Variants in PEX5L observed in about 807,000 individuals in gnomAD.
PEX5L encodes PEX5-related protein.
PEX5L carries 30 observed loss-of-function variants against 84.0 expected under a neutral mutation model. The ratio of observed to expected loss-of-function variants is 0.36; its 90% CI spans 0.27 to 0.48. The LOEUF (loss-of-function observed/expected upper bound fraction) is 0.48. PEX5L is among the 20% of genes least tolerant of loss of function. PEX5L has a pLI of 0.99. For synonymous variants in PEX5L, 270 were observed against 283.1 expected, an observed-to-expected ratio of 0.95 and a Z score of 0.46; for missense variants, 533 against 754.6, an observed-to-expected ratio of 0.71 and a Z score of 3.44.
At chr3:179,854,834 TA>T (rs2108493866) in intron 8 of PEX5L, among the ~76,000 whole-genome samples, 1 of 152,276 alleles carries the variant, frequency 6.6e-6, no homozygotes, top group South Asian at 2.1e-4. Flanking sequence ...GCTACATTTT[TA>T]AAGTAGAAAG....
chr3:179,984,205 AT>A lies in PEX5L; in HGVS notation c.22-12541del, dbSNP rs562876297. ...TTCTCAACTGTATATTTGTGTAAAG[AT>A]TTTTTTTATTCCTATATTTCAATGG... On this transcript the variant is annotated intron_variant, in intron 1 of 14. Transcript: ENST00000467460. Among the ~76,000 whole-genome samples, 591 of 152,092 alleles carry A rather than the reference AT, an allele frequency of 3.9e-3. 6 individuals are homozygous for A. The highest frequency in any genetic ancestry group is 8.3e-3 in the South Asian group (40 of 4,818).
At chr3:179,811,217 ATGTGTGTGTGTG>A (rs59791968) in intron 11 of PEX5L, among the ~76,000 whole-genome samples, 25 of 150,212 alleles carry the variant, frequency 1.7e-4, no homozygotes, top group East Asian at 3.9e-4. Flanking sequence ...TATGGAATGT[ATGTGTGTGTGTG>A]TGTGTGTGTG....
At chr3:179,973,275 C>T (rs1417319600) in intron 1 of PEX5L, 2 of 1,288,440 alleles carry the variant, frequency 1.6e-6, no homozygotes, top group African/African-American at 3.0e-5. Flanking sequence ...ATGCCACTGG[C>T]AGTGGCTTCC....
rs181081897 is a variant in PEX5L, at chr3:179,976,493, C to T, written c.22-4828G>A. Reference sequence around the variant, plus strand: ...CGCTCTGTCGCCCAGGCTGGAGTTCCGTGATGTGATTTCGGCTCACTGCAA... The same window carrying T: ...CGCTCTGTCGCCCAGGCTGGAGTTCTGTGATGTGATTTCGGCTCACTGCAA... On this transcript the variant is annotated intron_variant, in intron 1 of 14. Transcript: ENST00000467460. Among the ~76,000 whole-genome samples, 16 of 152,074 alleles carry T rather than the reference C, an allele frequency of 1.1e-4. No homozygotes were observed. The East Asian group carries it at 2.3e-3, about 22-fold the overall frequency.
At chr3:179,938,882 T>C (rs1270207300) in intron 2 of PEX5L, among the ~76,000 whole-genome samples, 26 of 152,336 alleles carry the variant, frequency 1.7e-4, no homozygotes, top group Admixed American at 1.7e-3. Context: ...TAGACCCCAG[T>C]CTTAAATCTC....
At chr3:179,874,913 C>T (rs1309915769) in intron 6 of PEX5L, among the ~76,000 whole-genome samples, 1 of 151,176 alleles carries the variant, frequency 6.6e-6, no homozygotes, top group African/African-American at 2.4e-5. Context: ...TATGGTACAA[C>T]TCAGGTGGCC....
intron 8 of PEX5L, among the ~76,000 whole-genome samples, chr3:179,843,677 T>C (rs1738156865): frequency 6.6e-6 from 1 of 152,268 alleles, no homozygotes; most frequent in Admixed American, 6.5e-5. Flanking sequence ...AAATTATTAA[T>C]CACTGTTGAT....
At chr3:180,001,548 G>A (rs1788417080) in intron 1 of PEX5L, among the ~76,000 whole-genome samples, 1 of 151,644 alleles carries the variant, frequency 6.6e-6, no homozygotes, top group South Asian at 2.1e-4. Flanking sequence ...TATATTTGTA[G>A]CTAAACCTAT....
chr3:180,036,670 A>G lies in PEX5L; in HGVS notation c.-71T>C. ...TCCCCCGTGCTTACTTGCCCACCAA[A>G]AGAGGGGAAAAGGTGGGTGCACAGC... On this transcript the variant is annotated 5_prime_UTR_variant, in exon 1 of 15. Coordinates refer to ENST00000467460, the MANE Select transcript of PEX5L (RefSeq NM_016559.3). 1 of 1,543,102 alleles carries G rather than the reference A, an allele frequency of 6.5e-7. No individual in the cohort carries two copies. The highest frequency in any genetic ancestry group is 9.0e-7 in the Non-Finnish European group (1 of 1,115,428).
At chr3:179,807,887 ATTCCTGTAT>A in intron 13 of PEX5L, 56 bp from the exon 14 acceptor site, 1 of 1,484,188 alleles carries the variant, frequency 6.7e-7, no homozygotes, top group East Asian at 2.3e-5. Context: ...ATGACAGAGC[ATTCCTGTAT>A]TTCTCTGCAG....
chr3:179,984,095 T>A (rs1221161440), intron 1 of PEX5L, among the ~76,000 whole-genome samples: 1 of 152,096 alleles, frequency 6.6e-6, no homozygotes, highest in Non-Finnish European at 1.5e-5. Flanking sequence ...CTACTAAACC[T>A]CAAGAAATTA....
chr3:179,866,426 G>A (rs1748171687), intron 7 of PEX5L, among the ~76,000 whole-genome samples: 1 of 152,110 alleles, frequency 6.6e-6, no homozygotes, highest in Admixed American at 6.6e-5. Context: ...TGGTGACCTT[G>A]GACAAATTAC....
In PEX5L at chr3:180,010,246, C is replaced by CTTTTTTTTTTTTTTT. The variant is rs1178375452; in HGVS notation, c.21+26318_21+26332dup. 3.4e-3 allele frequency among the ~76,000 whole-genome samples: 353 copies of CTTTTTTTTTTTTTTT among 105,132 alleles called. 47 individuals carry two copies. The highest frequency in any genetic ancestry group is 0.013 in the African/African-American group (302 of 23,070). 69.0% of individuals were successfully genotyped at this position (105,132 alleles called of 152,430 possible). ...AGGCGTGAGCCACTGCACCCGGCCT[C>CTTTTTTTTTTTTTTT]TTTTTTTTTTTTTTTTTTTTCTGTA... On this transcript the variant is annotated intron_variant, in intron 1 of 14. Transcript: ENST00000467460.
At chr3:179,802,852 G>A (rs1445164428) in intron 14 of PEX5L, among the ~76,000 whole-genome samples, 1 of 148,386 alleles carries the variant, frequency 6.7e-6, no homozygotes, top group African/African-American at 2.5e-5. Flanking sequence ...TTAGCAGTAG[G>A]CAAATTTCTT....
intron 2 of PEX5L, among the ~76,000 whole-genome samples, chr3:179,917,907 C>T (rs1341695225): frequency 6.6e-6 from 1 of 152,202 alleles, no homozygotes; most frequent in Non-Finnish European, 1.5e-5. Context: ...GATCCACCTG[C>T]CTCGGCCTCC....
intron 2 of PEX5L, among the ~76,000 whole-genome samples, chr3:179,917,250 T>A (rs1281868253): frequency 1.3e-5 from 2 of 152,102 alleles, no homozygotes; most frequent in East Asian, 3.9e-4. Flanking sequence ...GGCAATAACA[T>A]GCATGGATCT....
At chr3:180,015,244 G>A (rs1167108458) in intron 1 of PEX5L, among the ~76,000 whole-genome samples, 1 of 152,188 alleles carries the variant, frequency 6.6e-6, no homozygotes, top group African/African-American at 2.4e-5. Flanking sequence ...GCTAACATTT[G>A]ATGAATGTTT....
chr3:179,912,287 T>G (rs1160337394), intron 2 of PEX5L, among the ~76,000 whole-genome samples: 1 of 152,198 alleles, frequency 6.6e-6, no homozygotes, highest in East Asian at 1.9e-4. Flanking sequence ...TTTCTAACTC[T>G]CAGATATATA....
chr3:180,029,606 C>T (rs1295549798), intron 1 of PEX5L, among the ~76,000 whole-genome samples: 1 of 152,114 alleles, frequency 6.6e-6, no homozygotes, highest in African/African-American at 2.4e-5. Flanking sequence ...CGTCTTGCCT[C>T]TGTGATGTCA....
Sources: gnomAD v4.1 joint callset for allele counts (sites outside exome capture counted in the v4.1 genomes callset) on GRCh38, gnomAD v4.1.1 for gene constraint, MANE v1.5 for transcripts, NCBI Gene and HGNC (gene_info 2026-07-23, HGNC 2026-07-21) for gene names.